HSD17B4: variants seen among roughly 807,000 people sequenced by gnomAD.
The protein encoded by HSD17B4 is hydroxysteroid 17-beta dehydrogenase 4.
In HSD17B4, 70 loss-of-function variants were observed where a neutral mutation model predicts 101.0. The ratio of observed to expected loss-of-function variants is 0.69; its 90% CI spans 0.57 to 0.85. The LOEUF (loss-of-function observed/expected upper bound fraction) is 0.85, where lower values mean the gene tolerates loss of function less well. Ranked by LOEUF, HSD17B4 falls within the 40% of genes least tolerant of loss-of-function variation. HSD17B4 has a pLI of 0.00. For synonymous variants in HSD17B4, 347 were observed against 297.1 expected, an observed-to-expected ratio of 1.17 and a Z score of -1.73; for missense variants, 984 against 892.4, an observed-to-expected ratio of 1.10 and a Z score of -1.31.
chr5:119,501,031 G>T (rs1016282101), intron 13 of HSD17B4, among the ~76,000 whole-genome samples: 1 of 152,138 alleles, frequency 6.6e-6, no homozygotes, highest in Non-Finnish European at 1.5e-5. Context: ...TTTTATTAGA[G>T]TGTTTCATGA....
chr5:119,458,582 C>G (rs765689299), intron 2 of HSD17B4, among the ~76,000 whole-genome samples: 13 of 150,098 alleles, frequency 8.7e-5, no homozygotes, highest in Non-Finnish European at 1.8e-4. Context: ...CTCCTGACCT[C>G]TTTTTAGAAG....
chr5:119,503,819 A>C (rs953084228), intron 14 of HSD17B4, among the ~76,000 whole-genome samples: 1 of 151,924 alleles, frequency 6.6e-6, no homozygotes, highest in African/African-American at 2.4e-5. Context: ...TTCAGGAGGT[A>C]CCTGTGCAGA....
At chr5:119,474,071 C>G (rs962772870) in intron 3 of HSD17B4, 56 bp downstream of exon 3, 1 of 944,454 alleles carries the variant, frequency 1.1e-6, no homozygotes, top group East Asian at 2.5e-5. Context: ...TGCTATTTGT[C>G]ACATTAATAA....
At chr5:119,480,756 A>G (rs959426835) in intron 8 of HSD17B4, among the ~76,000 whole-genome samples, 2 of 152,014 alleles carry the variant, frequency 1.3e-5, no homozygotes, top group East Asian at 1.9e-4. Context: ...ACTGGAGTTT[A>G]TTTCACCCCT....
At chr5:119,491,059 AC>A (rs1750058405) in intron 9 of HSD17B4, among the ~76,000 whole-genome samples, 1 of 152,178 alleles carries the variant, frequency 6.6e-6, no homozygotes, top group Non-Finnish European at 1.5e-5. Context: ...GTAAATTGCC[AC>A]TTTTTGAAGT....
chr5:119,529,632 T>C (rs983903478), intron 20 of HSD17B4, among the ~76,000 whole-genome samples: 2 of 152,128 alleles, frequency 1.3e-5, no homozygotes, highest in Non-Finnish European at 2.9e-5. Flanking sequence ...GGATGGGACC[T>C]CATAGGGTTT....
chr5:119,475,690 T>C lies in HSD17B4; in HGVS notation c.281-16T>C. 6.3e-7 allele frequency: 1 copy of C among 1,580,328 alleles called. No homozygotes were observed. Among genetic ancestry groups the C allele is most frequent in the Non-Finnish European group, 8.7e-7 (1 of 1,151,548 alleles). ...TGCTTGCTTTTAGATGTAACTTGTA[T>C]CTTTTTATATTGTAGATGTTGTGGT... On this transcript the variant is annotated splice_polypyrimidine_tract_variant and intron_variant, in intron 4 of 23. Transcript: ENST00000510025.
intron 17 of HSD17B4, among the ~76,000 whole-genome samples, chr5:119,515,618 A>G (rs905863446): frequency 2.0e-5 from 3 of 152,196 alleles, no homozygotes; most frequent in African/African-American, 7.2e-5. Context: ...TGACCATAGA[A>G]AAATTTGTTT....
intron 14 of HSD17B4, among the ~76,000 whole-genome samples, chr5:119,504,835 C>T (rs187020771): frequency 6.6e-6 from 1 of 152,202 alleles, no homozygotes; most frequent in Non-Finnish European, 1.5e-5. Context: ...AGGCTGATGT[C>T]CAGGATGGTA....
Position 119,478,969 on chromosome 5 carries a change from C to G in HSD17B4, c.570C>G (p.Asn190Lys), listed in dbSNP as rs766330442. 6.2e-7 allele frequency: 1 copy of G among 1,613,664 alleles called. No individual in the cohort carries two copies. ...IEGRKSNIHCNTIAPNAGSRM... is the reference protein window; with the variant it reads ...IEGRKSNIHCKTIAPNAGSRM... ...GCAGGAAAAGCAACATTCATTGTAACACCATTGCTCCTAATGCGGGATCAC... is the reference window on the plus strand; with the variant it reads ...GCAGGAAAAGCAACATTCATTGTAAGACCATTGCTCCTAATGCGGGATCAC... Residue 190 changes from asparagine to lysine, a missense_variant, in exon 8 of 24, where the codon AAC becomes AAG. By Grantham distance (94) the Asn-to-Lys change is moderately conservative. Transcript: ENST00000510025.
intron 10 of HSD17B4, chr5:119,492,673 T>C (rs1750221057): frequency 6.6e-6 from 1 of 152,156 alleles, no homozygotes. Context: ...AGCCCAATAG[T>C]TATTTTAGAT....
chr5:119,518,697 A>C (rs2126850476), intron 17 of HSD17B4, among the ~76,000 whole-genome samples: 1 of 152,344 alleles, frequency 6.6e-6, no homozygotes, highest in Middle Eastern at 3.4e-3. Context: ...ATGCCATTAT[A>C]CATAAACTTT....
At chr5:119,474,261 G>A (rs1444463109) in intron 3 of HSD17B4, 140 bp from the exon 4 acceptor site, 1 of 732,086 alleles carries the variant, frequency 1.4e-6, no homozygotes, top group Admixed American at 1.9e-5. Flanking sequence ...GATATAATTA[G>A]TAAATTATTG....
At chr5:119,506,470 T>C (rs1751661773) in intron 14 of HSD17B4, among the ~76,000 whole-genome samples, 1 of 152,244 alleles carries the variant, frequency 6.6e-6, no homozygotes, top group Non-Finnish European at 1.5e-5. Flanking sequence ...AGTGCCACAA[T>C]AAATATACGT....
At chr5:119,463,500 C>T (rs1442378435) in intron 2 of HSD17B4, among the ~76,000 whole-genome samples, 3 of 149,362 alleles carry the variant, frequency 2.0e-5, no homozygotes, top group Non-Finnish European at 4.4e-5. Context: ...TCATTTTCTT[C>T]ACATTTTTGT....
intron 14 of HSD17B4, among the ~76,000 whole-genome samples, chr5:119,506,091 C>T (rs775901192): frequency 2.6e-5 from 4 of 152,016 alleles, no homozygotes; most frequent in Non-Finnish European, 4.4e-5. Context: ...TAGGTATACA[C>T]GTGCCATGGT....
intron 2 of HSD17B4, among the ~76,000 whole-genome samples, chr5:119,458,644 A>G (rs900498042): frequency 2.0e-5 from 3 of 152,074 alleles, no homozygotes; most frequent in African/African-American, 7.2e-5. Flanking sequence ...TCATTTGGCT[A>G]AGCCAAAAGT....
intron 16 of HSD17B4, among the ~76,000 whole-genome samples, chr5:119,514,726 G>T (rs1457198541): frequency 6.6e-6 from 1 of 152,054 alleles, no homozygotes. Context: ...CTCCATTGTG[G>T]CCTGGAGGAT....
chr5:119,458,007 C>A (rs974591459), intron 2 of HSD17B4, among the ~76,000 whole-genome samples: 14 of 152,086 alleles, frequency 9.2e-5, no homozygotes, highest in African/African-American at 3.1e-4. Flanking sequence ...TCCCTGTTCC[C>A]TCTCAATTTC....
Sources: gnomAD v4.1 joint callset for allele counts (sites outside exome capture counted in the v4.1 genomes callset) on GRCh38, gnomAD v4.1.1 for gene constraint, MANE v1.5 for transcripts, NCBI Gene and HGNC (gene_info 2026-07-23, HGNC 2026-07-21) for gene names.